Variants in GPBP1L1 observed in about 807,000 individuals in gnomAD.
The protein encoded by GPBP1L1 is GC-rich promoter binding protein 1 like 1.
Under a neutral mutation model 52.5 loss-of-function variants are expected in GPBP1L1, and 23 were observed. That is an observed-to-expected ratio of 0.44 (90% confidence interval 0.32 to 0.62). The LOEUF (loss-of-function observed/expected upper bound fraction) is 0.62, where lower values mean the gene tolerates loss of function less well. Among genes scored for constraint, GPBP1L1 ranks in the 20% least tolerant of loss-of-function variants. The pLI, the probability that GPBP1L1 is intolerant of heterozygous loss-of-function variation, is 0.06. For missense variants in GPBP1L1, 596 were observed against 579.3 expected (o/e 1.03, Z -0.30); for synonymous variants, 243 against 203.1 (o/e 1.20, Z -1.67).
rs953417082 is a variant in GPBP1L1, at chr1:45,654,877, T to C, written c.191-48A>G. The C allele has an allele frequency of 7.0e-6, 11 of 1,566,782 alleles. No individual in the cohort carries two copies. In the African/African-American group the frequency reaches 1.4e-4, roughly 19 times the overall value. ...TAATTAGATTGTTTGCTTCCTGATT[T>C]GGTTTACGGTATTGGCCAAAGGCCT... On this transcript the variant is annotated intron_variant, in intron 5 of 12. Transcript: ENST00000355105.
intron 4 of GPBP1L1, 114 bp from the exon 5 acceptor site, chr1:45,655,433 C>T: frequency 1.6e-6 from 2 of 1,212,552 alleles, no homozygotes; most frequent in South Asian, 2.7e-5. Flanking sequence ...GTGATAGAAA[C>T]TCATATTGTA....
intron 2 of GPBP1L1, among the ~76,000 whole-genome samples, chr1:45,679,069 A>G (rs1223491773): frequency 6.6e-6 from 1 of 151,318 alleles, no homozygotes; most frequent in Non-Finnish European, 1.5e-5. Context: ...AATAATAAAA[A>G]GAAAGAATGA....
intron 2 of GPBP1L1, among the ~76,000 whole-genome samples, chr1:45,684,063 G>C (rs548297694): frequency 6.6e-6 from 1 of 152,054 alleles, no homozygotes; most frequent in South Asian, 2.1e-4. Flanking sequence ...TTCAAGACCA[G>C]CCTGGCCAAC....
Position 45,630,609 on chromosome 1 carries a change from G to A in GPBP1L1, c.1045-3C>T. On this transcript the variant is annotated splice_polypyrimidine_tract_variant and splice_region_variant and intron_variant, in intron 10 of 12. Coordinates refer to ENST00000355105, the MANE Select transcript of GPBP1L1 (RefSeq NM_021639.5). ...TCAGGTGTGCTGTTGTCCTCCAACT[G>A]CAATAAGGAAAAGGAAGGACACAGT... 1 of 1,613,584 alleles carries A rather than the reference G, an allele frequency of 6.2e-7. No individual in the cohort carries two copies. Among genetic ancestry groups the A allele is most frequent in the Non-Finnish European group, 8.5e-7 (1 of 1,179,772 alleles).
intron 2 of GPBP1L1, among the ~76,000 whole-genome samples, chr1:45,679,807 T>C (rs917645534): frequency 2.0e-5 from 3 of 148,416 alleles, no homozygotes; most frequent in East Asian, 2.0e-4. Flanking sequence ...AATCCCATCA[T>C]GTGGGGAGGT....
At position 45,634,130 on chromosome 1, in the gene GPBP1L1, A is replaced by G. The variant is rs1644565285; in HGVS notation, c.851T>C (p.Leu284Pro). 1.2e-6 allele frequency: 2 copies of G among 1,613,998 alleles called. No homozygotes were observed. The highest frequency in any genetic ancestry group is 8.5e-7 in the Non-Finnish European group (1 of 1,179,864). The change falls in exon 9 of 13, where the codon CTG becomes CCG. Residue 284 changes from leucine (L) to proline (P), a missense_variant. Leu to Pro is a moderately conservative substitution (Grantham distance 98). Coordinates refer to ENST00000355105, the MANE Select transcript of GPBP1L1 (RefSeq NM_021639.5). ...SPISVTKPVV[L>P]ASGAALSSPK... ...AGAACTCAGAGCTGCACCACTAGCC[A>G]GTACCACTGGTTTGGTAACAGAGAT...
intron 2 of GPBP1L1, 77 bp from the exon 3 acceptor site, chr1:45,661,302 G>A (rs1307041601): frequency 2.6e-5 from 4 of 152,098 alleles, no homozygotes. Context: ...GCTAAAATGA[G>A]ACACAGTTAA....
chr1:45,668,361 A>G (rs1188060876), intron 2 of GPBP1L1, among the ~76,000 whole-genome samples: 1 of 152,206 alleles, frequency 6.6e-6, no homozygotes, highest in Non-Finnish European at 1.5e-5. Flanking sequence ...ACACTTAAAA[A>G]CAGAACACCT....
At chr1:45,664,846 T>C (rs907622395) in intron 2 of GPBP1L1, among the ~76,000 whole-genome samples, 11 of 151,962 alleles carry the variant, frequency 7.2e-5, no homozygotes, top group Admixed American at 2.0e-4. Flanking sequence ...ACCCGGTTAA[T>C]TTTTGTATTT....
intron 2 of GPBP1L1, among the ~76,000 whole-genome samples, chr1:45,671,162 C>T (rs1384238799): frequency 6.6e-6 from 1 of 151,454 alleles, no homozygotes; most frequent in Non-Finnish European, 1.5e-5. Context: ...GGCCATCTCC[C>T]CTCATAATAT....
intron 2 of GPBP1L1, among the ~76,000 whole-genome samples, chr1:45,662,348 T>C (rs931146134): frequency 4.6e-5 from 7 of 152,184 alleles, no homozygotes; most frequent in African/African-American, 1.7e-4. Context: ...TCTCACTGTG[T>C]TGCCCAGGCT....
At chr1:45,658,971 A>T (rs1569840575) in intron 4 of GPBP1L1, 57 bp downstream of exon 4, 1 of 1,243,542 alleles carries the variant, frequency 8.0e-7, no homozygotes, top group East Asian at 2.3e-5. Flanking sequence ...AAACAACCAA[A>T]ACCACCCCCA....
At chr1:45,686,024 C>T (rs1269627278) in intron 1 of GPBP1L1, among the ~76,000 whole-genome samples, 1 of 152,204 alleles carries the variant, frequency 6.6e-6, no homozygotes, top group Non-Finnish European at 1.5e-5. Context: ...AAAACAAAAG[C>T]CCTTAGCTCT....
chr1:45,687,547 G>T (rs1000154561), upstream of GPBP1L1: 1 of 152,186 alleles, frequency 6.6e-6, no homozygotes, highest in African/African-American at 2.4e-5. Flanking sequence ...AAATTGCCTG[G>T]TGCCATTTCC....
intron 6 of GPBP1L1, among the ~76,000 whole-genome samples, chr1:45,646,634 C>A (rs1314896466): frequency 1.3e-5 from 2 of 151,992 alleles, no homozygotes; most frequent in South Asian, 4.2e-4. Flanking sequence ...CAGCTCACTG[C>A]AAGCTCCACC....
At chr1:45,645,498 T>C (rs1644732362) in intron 6 of GPBP1L1, among the ~76,000 whole-genome samples, 1 of 152,228 alleles carries the variant, frequency 6.6e-6, no homozygotes, top group Non-Finnish European at 1.5e-5. Context: ...AATGTCAGTA[T>C]TTCACCAGTG....
At chr1:45,646,052 T>A in intron 6 of GPBP1L1, 1 of 497,744 alleles carries the variant, frequency 2.0e-6, no homozygotes, top group Non-Finnish European at 3.9e-6. Flanking sequence ...TGATTTCAAA[T>A]TTGCCAATGT....
intron 6 of GPBP1L1, among the ~76,000 whole-genome samples, chr1:45,643,131 A>G (rs1299399909): frequency 6.6e-6 from 1 of 152,256 alleles, no homozygotes; most frequent in Non-Finnish European, 1.5e-5. Context: ...CTATCAGAAA[A>G]GGCTTTACTA....
At chr1:45,657,778 G>A (rs779871129) in intron 4 of GPBP1L1, among the ~76,000 whole-genome samples, 2 of 152,074 alleles carry the variant, frequency 1.3e-5, no homozygotes, top group African/African-American at 2.4e-5. Context: ...GCTTGAGCCC[G>A]GGAGTTCAAG....
Sources: gnomAD v4.1 joint callset for allele counts (sites outside exome capture counted in the v4.1 genomes callset) on GRCh38, gnomAD v4.1.1 for gene constraint, MANE v1.5 for transcripts, NCBI Gene and HGNC (gene_info 2026-07-23, HGNC 2026-07-21) for gene names.